Variants in ZNF804B observed in about 807,000 individuals in gnomAD.
ZNF804B encodes the protein zinc finger protein 804B.
In ZNF804B, 80 loss-of-function variants were observed where a neutral mutation model predicts 101.4. The ratio of observed to expected loss-of-function variants is 0.79; its 90% CI spans 0.66 to 0.95. The LOEUF (loss-of-function observed/expected upper bound fraction) is 0.95, where lower values mean the gene tolerates loss of function less well. Among genes scored for constraint, ZNF804B ranks in the 40% least tolerant of loss-of-function variants. The pLI is 0.00. For synonymous variants in ZNF804B, 622 were observed against 558.8 expected, an observed-to-expected ratio of 1.11 and a Z score of -1.59; for missense variants, 1,673 against 1,561.9, an observed-to-expected ratio of 1.07 and a Z score of -1.20.
intron 1 of ZNF804B, among the ~76,000 whole-genome samples, chr7:89,097,864 G>T (rs892344465): frequency 6.6e-6 from 1 of 152,012 alleles, no homozygotes; most frequent in Non-Finnish European, 1.5e-5. Context: ...TCCTACAAAT[G>T]CATCACCTGC....
intron 1 of ZNF804B, among the ~76,000 whole-genome samples, chr7:89,145,364 C>T (rs1790776847): frequency 6.6e-6 from 1 of 151,830 alleles, no homozygotes; most frequent in Non-Finnish European, 1.5e-5. Flanking sequence ...ATAATATAAA[C>T]AGTAAGGGGC....
chr7:89,022,959 T>TA (rs912022761), intron 1 of ZNF804B, among the ~76,000 whole-genome samples: 2 of 152,120 alleles, frequency 1.3e-5, no homozygotes, highest in African/African-American at 4.8e-5. Flanking sequence ...CACATGCACA[T>TA]AAAAAAATAA....
intron 1 of ZNF804B, among the ~76,000 whole-genome samples, chr7:89,080,682 T>C (rs1789683154): frequency 6.6e-6 from 1 of 151,974 alleles, no homozygotes; most frequent in African/African-American, 2.4e-5. Flanking sequence ...CTGGTGAACA[T>C]AGTGAACTAT....
At chr7:89,168,977 A>T (rs1014397878) in intron 1 of ZNF804B, among the ~76,000 whole-genome samples, 1 of 152,124 alleles carries the variant, frequency 6.6e-6, no homozygotes, top group Non-Finnish European at 1.5e-5. Context: ...ACCTTGGGCC[A>T]TGTGGTGAGT....
At chr7:89,157,416 C>T (rs1417247446) in intron 1 of ZNF804B, among the ~76,000 whole-genome samples, 1 of 152,086 alleles carries the variant, frequency 6.6e-6, no homozygotes, top group Non-Finnish European at 1.5e-5. Context: ...AGTTGTAAAA[C>T]ATGTACTAGG....
At chr7:89,320,735 T>C (rs1790805616) in intron 2 of ZNF804B, among the ~76,000 whole-genome samples, 1 of 151,838 alleles carries the variant, frequency 6.6e-6, no homozygotes, top group Non-Finnish European at 1.5e-5. Flanking sequence ...GTCAAACTTA[T>C]AAAAAATAAA....
chr7:89,144,156 A>G (rs1222576026), intron 1 of ZNF804B, among the ~76,000 whole-genome samples: 2 of 152,190 alleles, frequency 1.3e-5, no homozygotes, highest in East Asian at 3.9e-4. Context: ...TTAAAGAAAC[A>G]AAACAATTTC....
chr7:89,043,930 CAA>C (rs1185442347), intron 1 of ZNF804B, among the ~76,000 whole-genome samples: 2 of 152,004 alleles, frequency 1.3e-5, no homozygotes, highest in East Asian at 3.9e-4. Context: ...AAGAAAACAT[CAA>C]AAGAGTACAT....
chr7:88,765,741 C>A (rs1329144787), intron 1 of ZNF804B, among the ~76,000 whole-genome samples: 1 of 151,914 alleles, frequency 6.6e-6, no homozygotes, highest in Admixed American at 6.6e-5. Context: ...GCTGAAAAAG[C>A]CTTTTGTAGA....
intron 1 of ZNF804B, among the ~76,000 whole-genome samples, chr7:89,058,825 C>T (rs1373691859): frequency 6.6e-6 from 1 of 152,134 alleles, no homozygotes; most frequent in Non-Finnish European, 1.5e-5. Context: ...TCCAGAGTAG[C>T]TAGGACTACA....
intron 1 of ZNF804B, among the ~76,000 whole-genome samples, chr7:88,900,926 C>T (rs557284795): frequency 2.7e-4 from 41 of 151,370 alleles, no homozygotes; most frequent in African/African-American, 9.4e-4. Flanking sequence ...TTAAAATAGC[C>T]GTAGTACATA....
intron 1 of ZNF804B, among the ~76,000 whole-genome samples, chr7:88,842,076 A>C (rs1376805321): frequency 6.6e-6 from 1 of 152,196 alleles, no homozygotes; most frequent in Non-Finnish European, 1.5e-5. Flanking sequence ...AAATGATTCA[A>C]TACAAATATT....
At chr7:89,234,097 G>A (rs976184242) in intron 2 of ZNF804B, among the ~76,000 whole-genome samples, 8 of 152,142 alleles carry the variant, frequency 5.3e-5, no homozygotes, top group Non-Finnish European at 1.0e-4. Context: ...TAATCATTAG[G>A]AGTTTTAACT....
At chr7:89,239,653 C>T (rs1024717894) in intron 2 of ZNF804B, among the ~76,000 whole-genome samples, 3 of 152,100 alleles carry the variant, frequency 2.0e-5, no homozygotes, top group Non-Finnish European at 4.4e-5. Flanking sequence ...TTGGTCACAT[C>T]GATAGACCCA....
rs534122471 is a variant in ZNF804B, at chr7:89,110,958, T to C, written c.109-107197T>C. 3.3e-5 allele frequency among the ~76,000 whole-genome samples: 5 copies of C among 152,268 alleles called. No individual in the cohort carries two copies. In the East Asian group the frequency reaches 9.7e-4, roughly 29 times the overall value. ...TTTCTATAGTTTTTCTTTTTCAAGGTTGTCATATAGTGGGAATCATATAAT... is the reference window on the plus strand; with the variant it reads ...TTTCTATAGTTTTTCTTTTTCAAGGCTGTCATATAGTGGGAATCATATAAT... On this transcript the variant is annotated intron_variant, in intron 1 of 3. Transcript: ENST00000333190.
At chr7:89,280,186 A>G (rs895025157) in intron 2 of ZNF804B, among the ~76,000 whole-genome samples, 5 of 152,140 alleles carry the variant, frequency 3.3e-5, no homozygotes, top group African/African-American at 1.2e-4. Context: ...TGAAGGCAGA[A>G]ATAAAGATGT....
rs1245778183 is a variant in ZNF804B, at chr7:89,141,532, G to A, written c.109-76623G>A. Among the ~76,000 whole-genome samples the A allele has an allele frequency of 3.9e-5, 6 of 152,030 alleles. No individual in the cohort carries two copies. The East Asian group carries it at 1.2e-3, about 30-fold the overall frequency. ...TGCTGTTATGAACATTAGTGCTCAAGCATCTGTTCAAGTCCTTACTTTCAA... is the reference window on the plus strand; with the variant it reads ...TGCTGTTATGAACATTAGTGCTCAAACATCTGTTCAAGTCCTTACTTTCAA... On this transcript the variant is annotated intron_variant, in intron 1 of 3. Coordinates refer to ENST00000333190, the MANE Select transcript of ZNF804B (RefSeq NM_181646.5).
intron 1 of ZNF804B, among the ~76,000 whole-genome samples, chr7:89,026,079 C>T (rs185605954): frequency 3.2e-4 from 49 of 152,214 alleles, no homozygotes; most frequent in African/African-American, 1.2e-3. Flanking sequence ...TGCATTCCTT[C>T]AACAAATGTG....
chr7:89,075,667 C>G (rs192700311), intron 1 of ZNF804B, among the ~76,000 whole-genome samples: 1 of 152,108 alleles, frequency 6.6e-6, no homozygotes. Context: ...ACTGGCGCAC[C>G]GCCTAGTAGA....
Sources: allele counts gnomAD v4.1 joint callset (sites outside exome capture counted in the v4.1 genomes callset), GRCh38; gene constraint gnomAD v4.1.1; transcripts MANE v1.5; gene names NCBI Gene and HGNC (gene_info 2026-07-23, HGNC 2026-07-21).